The following SYTL5 variants were observed in gnomAD, a reference collection of about 807,000 sequenced individuals.
SYTL5 encodes the protein synaptotagmin like 5, also known as synaptotagmin-like protein 5.
SYTL5 carries 34 observed loss-of-function variants against 55.9 expected under a neutral mutation model. That is an observed-to-expected ratio of 0.61 (90% CI 0.46 to 0.81). The LOEUF (loss-of-function observed/expected upper bound fraction) is 0.81, where lower values mean the gene tolerates loss of function less well. Ranked by LOEUF, SYTL5 falls within the 30% of genes least tolerant of loss-of-function variation. The pLI, the probability that SYTL5 is intolerant of heterozygous loss-of-function variation, is 0.00. For synonymous variants in SYTL5, 221 were observed against 188.7 expected (o/e 1.17, Z -1.40); for missense variants, 637 against 546.7 (o/e 1.17, Z -1.65).
At chrX:37,986,621 G>C in the SYTL5 span, among the ~76,000 whole-genome samples, 17,459 of 110,517 alleles carry the variant, frequency 0.16, 2,153 homozygotes, top group African/African-American at 0.41. Context: ...CAATATGAGG[G>C]GTGGTCTCCT....
the SYTL5 span, among the ~76,000 whole-genome samples, chrX:37,924,796 C>T: frequency 1.8e-5 from 2 of 111,280 alleles, no homozygotes. Context: ...TATTTTGATA[C>T]CTGTATACAA....
chrX:37,894,001 AAGTTTTGCCTTTTCTTGAACTTCATAT>A, the SYTL5 span, among the ~76,000 whole-genome samples: 2 of 109,182 alleles, frequency 1.8e-5, no homozygotes, highest in Admixed American at 2.0e-4. Flanking sequence ...AACCATTTAC[AAGTTTTGCCTTTTCTTGAACTTCATAT>A]AAATGATATT....
chrX:37,983,689 T>C, the SYTL5 span, among the ~76,000 whole-genome samples: 1 of 112,287 alleles, frequency 8.9e-6, no homozygotes, highest in Non-Finnish European at 1.9e-5. Context: ...GTAGGATGTT[T>C]ATTTTTCTCA....
chrX:38,118,865 C>T (rs1288424532), intron 13 of SYTL5, among the ~76,000 whole-genome samples: 1 of 106,280 alleles, frequency 9.4e-6, no homozygotes, highest in Non-Finnish European at 1.9e-5. Context: ...AGCTATCCTC[C>T]CACCTCAGCC....
chrX:37,942,713 G>A, the SYTL5 span, among the ~76,000 whole-genome samples: 61 of 111,252 alleles, frequency 5.5e-4, 1 homozygote, highest in East Asian at 0.014. Context: ...GTGTGTGGCC[G>A]ATTTCTAAAT....
the SYTL5 span, among the ~76,000 whole-genome samples, chrX:37,976,400 C>CTGTT: frequency 9.0e-6 from 1 of 111,605 alleles, no homozygotes; most frequent in South Asian, 3.8e-4. Flanking sequence ...ATTTTCACTT[C>CTGTT]TGTTAGCTGA....
chrX:37,972,114 C>T, the SYTL5 span, among the ~76,000 whole-genome samples: 19,641 of 109,298 alleles, frequency 0.18, 1,710 homozygotes, highest in Non-Finnish European at 0.26. Context: ...AGTCAACCCC[C>T]CAGACACTCC....
At chrX:37,995,998 A>G in the SYTL5 span, among the ~76,000 whole-genome samples, 1 of 111,760 alleles carries the variant, frequency 8.9e-6, no homozygotes, top group East Asian at 2.8e-4. Flanking sequence ...GCAGTCGTCA[A>G]CACTAACGGT....
chrX:38,020,214 A>G (rs1219507284), intron 1 of SYTL5, among the ~76,000 whole-genome samples: 2 of 109,629 alleles, frequency 1.8e-5, no homozygotes, highest in African/African-American at 6.6e-5. Context: ...ATATGGCTAT[A>G]AGATATTTTT....
chrX:38,084,955 G>A (rs985963889), intron 6 of SYTL5, among the ~76,000 whole-genome samples: 2 of 110,552 alleles, frequency 1.8e-5, no homozygotes, highest in African/African-American at 6.6e-5. Flanking sequence ...ATTTAAAAAT[G>A]TAAAAACTAC....
At chrX:38,014,368 G>C (rs1934284312) in intron 1 of SYTL5, among the ~76,000 whole-genome samples, 1 of 112,373 alleles carries the variant, frequency 8.9e-6, no homozygotes, top group Non-Finnish European at 1.9e-5. Context: ...TGTAACACTG[G>C]ACAAGTTACT....
chrX:37,911,050 C>A, the SYTL5 span, among the ~76,000 whole-genome samples: 1 of 104,121 alleles, frequency 9.6e-6, no homozygotes, highest in South Asian at 4.7e-4. Flanking sequence ...ACTACAACCT[C>A]TGCCTCCCAG....
chrX:38,028,380 T>A (rs984447631), intron 1 of SYTL5, among the ~76,000 whole-genome samples: 3 of 112,305 alleles, frequency 2.7e-5, no homozygotes, highest in African/African-American at 9.7e-5. Flanking sequence ...GAAAACAGAT[T>A]CTTATTGTGC....
chrX:38,028,787 A>T (rs1051843080), intron 1 of SYTL5, among the ~76,000 whole-genome samples: 2 of 111,806 alleles, frequency 1.8e-5, no homozygotes, highest in Admixed American at 9.5e-5. Flanking sequence ...CCTTTAGCTG[A>T]CTATAAACCA....
intron 1 of SYTL5, among the ~76,000 whole-genome samples, chrX:38,017,167 C>A (rs910848137): frequency 2.7e-5 from 3 of 111,555 alleles, no homozygotes; most frequent in Non-Finnish European, 5.6e-5. Context: ...TGCTACAAGG[C>A]CCGCAACTGT....
At chrX:37,991,885 G>C in the SYTL5 span, among the ~76,000 whole-genome samples, 2 of 111,635 alleles carry the variant, frequency 1.8e-5, no homozygotes, top group Non-Finnish European at 3.8e-5. Context: ...TTTGAGACAG[G>C]GATTATTAGC....
At chrX:37,900,798 ATTC>A in the SYTL5 span, among the ~76,000 whole-genome samples, 3 of 110,888 alleles carry the variant, frequency 2.7e-5, no homozygotes, top group Non-Finnish European at 1.9e-5. Context: ...CAGGTAGTGT[ATTC>A]TTATTGGCTG....
the SYTL5 span, among the ~76,000 whole-genome samples, chrX:37,986,026 A>C: frequency 8.9e-6 from 1 of 111,800 alleles, no homozygotes; most frequent in Non-Finnish European, 1.9e-5. Context: ...GAATCAAAGA[A>C]CTAAATGAAA....
intron 10 of SYTL5, among the ~76,000 whole-genome samples, chrX:38,102,849 A>G (rs762108707): frequency 8.9e-6 from 1 of 112,006 alleles, no homozygotes; most frequent in Non-Finnish European, 1.9e-5. Context: ...AAACCCATCC[A>G]TAGCTTCCCA....
Sources: allele counts gnomAD v4.1 joint callset (sites outside exome capture counted in the v4.1 genomes callset), GRCh38; gene constraint gnomAD v4.1.1; transcripts MANE v1.5; gene names NCBI Gene and HGNC (gene_info 2026-07-23, HGNC 2026-07-21).